Variants in DST observed in about 807,000 individuals in gnomAD.
The protein encoded by DST is dystonin.
In DST, 253 loss-of-function variants were observed where a neutral mutation model predicts 875.2. The ratio of observed to expected loss-of-function variants is 0.29; its 90% CI spans 0.26 to 0.32. The LOEUF (loss-of-function observed/expected upper bound fraction) is 0.32. Ranked by LOEUF, DST falls within the 10% of genes least tolerant of loss-of-function variation. The probability of loss-of-function intolerance (pLI) is 1.00; values close to 1 mark genes in which losing one functional copy is unlikely to be tolerated. For missense variants in DST, 8,287 were observed against 9,111.6 expected (o/e 0.91, Z 3.68); for synonymous variants, 3,124 against 3,197.1 (o/e 0.98, Z 0.77).
intron 49 of DST, among the ~76,000 whole-genome samples, chr6:56,581,184 G>C (rs188636535): frequency 1.3e-5 from 2 of 151,940 alleles, no homozygotes; most frequent in East Asian, 1.9e-4. Flanking sequence ...AAATGGAAGA[G>C]AGTTGGAACC....
intron 49 of DST, among the ~76,000 whole-genome samples, chr6:56,587,959 G>A (rs143023714): frequency 0.025 from 3,803 of 151,734 alleles, 74 homozygotes; most frequent in Non-Finnish European, 0.042. Flanking sequence ...GCAAAATCAC[G>A]CCAAAATGTA....
chr6:56,894,329 G>A lies in DST; in HGVS notation c.417+6092C>T, dbSNP rs1306665754. Among the ~76,000 whole-genome samples, 18 of 100,782 alleles carry A rather than the reference G, an allele frequency of 1.8e-4. 6 individuals are homozygous for A. The highest frequency in any genetic ancestry group is 9.7e-4 in the African/African-American group (18 of 18,592). The allele number at this position is 100,782 out of a possible 152,430, so 66.1% of individuals were successfully genotyped here. ...GGGCAGAGGCGCCCCTCACCTCCTGGATAGGGCGGCTGGCCGGGCAGGGGG... is the reference window on the plus strand; with the variant it reads ...GGGCAGAGGCGCCCCTCACCTCCTGAATAGGGCGGCTGGCCGGGCAGGGGG... On this transcript the variant is annotated intron_variant, in intron 3 of 103. Transcript: ENST00000680361.
At chr6:56,611,386 A>C in intron 38 of DST, 122 bp downstream of exon 38, 1 of 687,106 alleles carries the variant, frequency 1.5e-6, no homozygotes, top group Non-Finnish European at 2.6e-6. Flanking sequence ...TACTATATTA[A>C]TTGTGATTAG....
At chr6:56,788,245 C>T (rs1250873652) in intron 4 of DST, among the ~76,000 whole-genome samples, 1 of 149,022 alleles carries the variant, frequency 6.7e-6, no homozygotes, top group African/African-American at 2.5e-5. Flanking sequence ...CTCTGTCACT[C>T]AGGCTAGAGT....
intron 8 of DST, 125 bp from the exon 9 acceptor site, chr6:56,699,870 G>T: frequency 1.9e-6 from 1 of 530,820 alleles, no homozygotes; most frequent in Non-Finnish European, 3.3e-6. Context: ...AACACCAGTA[G>T]TCAACTAAAT....
chr6:56,670,569 T>C lies in DST; in HGVS notation c.1214+72A>G, dbSNP rs1316601363. The C allele has an allele frequency of 2.9e-6, 3 of 1,044,806 alleles. No individual in the cohort carries two copies. The African/African-American group carries it at 5.0e-5, about 17-fold the overall frequency. 64.7% of individuals were successfully genotyped at this position (1,044,806 alleles called of 1,614,324 possible). On this transcript the variant is annotated intron_variant, in intron 10 of 103. Transcript: ENST00000680361. ...CTTTTGCTTCTATAATAATAAAAGA[T>C]AATTTTAAAATTCAGAGATGAAAGA...
chr6:56,470,887 G>C (rs1476693147), intron 95 of DST, among the ~76,000 whole-genome samples: 1 of 150,314 alleles, frequency 6.7e-6, no homozygotes, highest in Non-Finnish European at 1.5e-5. Flanking sequence ...CAGCCTCAGT[G>C]GAGGGAACAA....
Position 56,459,077 on chromosome 6 carries a change from C to T in DST, c.23385G>A (p.Ala7795=), listed in dbSNP as rs371464814. Residue 7795 remains alanine, a synonymous_variant, in exon 104 of 104, where the codon GCG becomes GCA. Transcript: ENST00000680361. The stretch of plus-strand genomic sequence containing the variant: ...GGGGCGTGGGGATTTTTGAAGGCTT[C>T]GCTGTGGATGGCCGAGAACCTGCTC... The part of the protein sequence containing the change: ...TPRAGSRPST[A]KPSKIPTPQR... The T allele has an allele frequency of 2.6e-5, 42 of 1,613,814 alleles. No homozygotes were observed. The East Asian group carries it at 2.9e-4, about 11-fold the overall frequency.
Position 56,954,449 on chromosome 6 carries a change from G to C in DST, c.139C>G (p.His47Asp), listed in dbSNP as rs563012616. The C allele has an allele frequency of 2.3e-5, 32 of 1,367,452 alleles. No individual in the cohort carries two copies. The highest frequency in any genetic ancestry group is 3.1e-5 in the Non-Finnish European group (32 of 1,021,820). 84.7% of individuals were successfully genotyped at this position (1,367,452 alleles called of 1,614,324 possible). ...CWHRKLQKGR[H>D]PMKSVFSGRS... ...CCCGAGAAGACCGATTTCATCGGAT[G>C]CCTCCCTTTCTGGAGCTTGCGGTGC... The change falls in exon 1 of 104, where the codon CAT becomes GAT. Residue 47 changes from histidine to aspartate, a missense_variant. Coordinates refer to ENST00000680361, the MANE Select transcript of DST (RefSeq NM_001374736.1).
At position 56,617,130 on chromosome 6, in the gene DST, C is replaced by T. The variant is rs144755552; in HGVS notation, c.4930-2646G>A. ...GTCTTAAGACCGAGTCGCAGCTGCT[C>T]AATTGTTCTCATGTCCAGAAGCTTA... is the stretch of plus-strand genomic sequence containing the variant. On this transcript the variant is annotated intron_variant, in intron 36 of 103. Coordinates refer to ENST00000680361, the MANE Select transcript of DST (RefSeq NM_001374736.1). 1.9e-5 allele frequency: 30 copies of T among 1,609,432 alleles called. No homozygotes were observed. In the African/African-American group the frequency reaches 3.7e-4, roughly 20 times the overall value.
intron 4 of DST, among the ~76,000 whole-genome samples, chr6:56,751,114 A>C (rs1381051874): frequency 6.6e-6 from 1 of 152,234 alleles, no homozygotes; most frequent in Non-Finnish European, 1.5e-5. Flanking sequence ...GAAGATCAAA[A>C]CAAGAAAATA....
At chr6:56,521,601 GAAA>G (rs10547460) in intron 69 of DST, among the ~76,000 whole-genome samples, 12,697 of 92,122 alleles carry the variant, frequency 0.14, 425 homozygotes, top group Non-Finnish European at 0.17. Context: ...CTCTGCTAAG[GAAA>G]AAAAAAAAAA....
At chr6:56,463,346 G>A (rs1450195472) in intron 101 of DST, among the ~76,000 whole-genome samples, 190 bp from the exon 102 acceptor site, 2 of 152,104 alleles carry the variant, frequency 1.3e-5, no homozygotes, top group Non-Finnish European at 2.9e-5. Context: ...AAATCAATCT[G>A]GAAGATCACA....
chr6:56,682,727 G>A lies in DST; in HGVS notation c.1048-11920C>T, dbSNP rs111655336. ...GTCACCAGACATATGCCTGCTCATG[G>A]TCAGTCAGAGATGTAAAACAACGTA... On this transcript the variant is annotated intron_variant, in intron 9 of 103. Coordinates refer to ENST00000680361, the MANE Select transcript of DST (RefSeq NM_001374736.1). 3.6e-3 allele frequency among the ~76,000 whole-genome samples: 554 copies of A among 152,298 alleles called. 2 individuals are homozygous for A. Among genetic ancestry groups the A allele is most frequent in the African/African-American group, 0.013 (531 of 41,564 alleles).
Position 56,592,173 on chromosome 6 carries a change from GC to G in DST, c.12903+8del. 1 of 1,610,048 alleles carries G rather than the reference GC, an allele frequency of 6.2e-7. No homozygotes were observed. Among genetic ancestry groups the G allele is most frequent in the Non-Finnish European group, 8.5e-7 (1 of 1,178,308 alleles). ...TACTGGAAATGTGGATCTTTCTCTC[GC>G]TTTTTACCTTGGTCTCTTCTAATTG... On this transcript the variant is annotated splice_region_variant and intron_variant, in intron 49 of 103. Transcript: ENST00000680361.
chr6:56,930,316 C>T (rs1035087523), intron 2 of DST, among the ~76,000 whole-genome samples: 6 of 152,138 alleles, frequency 3.9e-5, no homozygotes, highest in East Asian at 1.9e-4. Context: ...TTAATGACTT[C>T]GAAGAAGGGA....
chr6:56,515,522 T>C lies in DST; in HGVS notation c.18504A>G (p.Gln6168=), dbSNP rs1201683390. ...GGGCGGGAAGCTGAGAGATGATTGA[T>C]TGTGTTTCTGTCAGCCATGGCCAAA... ...EELWPWLTET[Q]SIISQLPAPA... The change falls in exon 72 of 104, where the codon CAA becomes CAG. Residue 6168 remains glutamine (Q), a synonymous_variant. Transcript: ENST00000680361. The C allele has an allele frequency of 1.2e-6, 2 of 1,613,958 alleles. No individual in the cohort carries two copies. The highest frequency in any genetic ancestry group is 2.2e-5 in the East Asian group (1 of 44,882).
chr6:56,954,143 G>A (rs1210530776), intron 1 of DST, among the ~76,000 whole-genome samples: 1 of 152,200 alleles, frequency 6.6e-6, no homozygotes, highest in African/African-American at 2.4e-5. Flanking sequence ...TTACCCTTAA[G>A]GCTTTAGCAA....
chr6:56,791,766 C>G (rs1590483075), intron 4 of DST, among the ~76,000 whole-genome samples: 1 of 132,576 alleles, frequency 7.5e-6, no homozygotes, highest in Admixed American at 8.1e-5. Context: ...GCAGTTTGGG[C>G]AACAGAGTGA....
Sources: allele counts gnomAD v4.1 joint callset (sites outside exome capture counted in the v4.1 genomes callset), GRCh38; gene constraint gnomAD v4.1.1; transcripts MANE v1.5; gene names NCBI Gene and HGNC (gene_info 2026-07-23, HGNC 2026-07-21).